MDH1B: variants seen among roughly 807,000 people sequenced by gnomAD.
MDH1B encodes the protein putative malate dehydrogenase 1B.
In MDH1B, 60 loss-of-function variants were observed where a neutral mutation model predicts 61.4. That is an observed-to-expected ratio of 0.98 (90% CI 0.79 to 1.21). The LOEUF (loss-of-function observed/expected upper bound fraction) is 1.21, where lower values mean the gene tolerates loss of function less well. MDH1B is among the 50% of genes most tolerant of loss of function. MDH1B has a pLI of 0.00. For missense variants in MDH1B, 587 were observed against 632.1 expected (o/e 0.93, Z 0.76); for synonymous variants, 236 against 218.7 (o/e 1.08, Z -0.70).
At chr2:206,750,561 C>G (rs751145771) in intron 6 of MDH1B, among the ~76,000 whole-genome samples, 2 of 151,848 alleles carry the variant, frequency 1.3e-5, no homozygotes, top group Non-Finnish European at 1.5e-5. Flanking sequence ...AATGCCCAGC[C>G]TGGCCTGTGC....
chr2:206,743,935 C>A (rs1261817707), intron 9 of MDH1B, among the ~76,000 whole-genome samples: 1 of 152,144 alleles, frequency 6.6e-6, no homozygotes, highest in Non-Finnish European at 1.5e-5. Context: ...TGGCTGTATG[C>A]ACTCCCCCTC....
At chr2:206,750,903 T>C (rs112599950) in intron 6 of MDH1B, 31 bp downstream of exon 6, 1 of 1,516,710 alleles carries the variant, frequency 6.6e-7, no homozygotes, top group Non-Finnish European at 8.9e-7. Context: ...TTTAACATTG[T>C]CAGTATGCTT....
intron 9 of MDH1B, among the ~76,000 whole-genome samples, chr2:206,744,922 C>CTAAATAAA (rs201554464): frequency 4.7e-5 from 7 of 150,458 alleles, no homozygotes; most frequent in African/African-American, 7.3e-5. Context: ...AAGACTCTGT[C>CTAAATAAA]TAAATAAATA....
At position 206,765,230 on chromosome 2, in the gene MDH1B, C is replaced by A. The variant is rs938161786; in HGVS notation, c.22+20G>T. ...GTCGGCGTTTTGAGCAATCTGCGGG[C>A]GGACGCGGGGATCACTCACCCGCGA... On this transcript the variant is annotated intron_variant, in intron 1 of 11. Transcript: ENST00000374412. 1.3e-6 allele frequency: 2 copies of A among 1,599,804 alleles called. No individual in the cohort carries two copies. The highest frequency in any genetic ancestry group is 1.4e-5 in the African/African-American group (1 of 73,866).
rs539797562 is a variant in MDH1B at position 206,745,133 on chromosome 2, G to A, written c.1408+489C>T. ...ACTTAGAAACACAGACACACACAGA[G>A]GAAAGATGGACATGTGAAGAGGGAA... On this transcript the variant is annotated intron_variant, in intron 9 of 11. Coordinates refer to ENST00000374412, the MANE Select transcript of MDH1B (RefSeq NM_001039845.3). 3.1e-4 allele frequency among the ~76,000 whole-genome samples: 47 copies of A among 152,088 alleles called. No individual in the cohort carries two copies. The South Asian group carries it at 5.2e-3, about 17-fold the overall frequency.
Position 206,755,168 on chromosome 2 carries a change from C to T in MDH1B, c.751G>A (p.Val251Ile). 6.2e-7 allele frequency: 1 copy of T among 1,614,218 alleles called. No homozygotes were observed. Among genetic ancestry groups the T allele is most frequent in the Non-Finnish European group, 8.5e-7 (1 of 1,180,040 alleles). Reference sequence around the variant, plus strand: ...GTTCTCCCTCCCACGATGACTCTGACAGACTCATGAGCATTTTTCTCTATC... The same window carrying T: ...GTTCTCCCTCCCACGATGACTCTGATAGACTCATGAGCATTTTTCTCTATC... The part of the protein sequence containing the change: ...YLIEKNAHES[V>I]RVIVGGRTFV... The change falls in exon 5 of 12, where the codon GTC (valine) becomes ATC (isoleucine). Residue 251 changes from valine to isoleucine, a missense_variant. Val to Ile is a conservative substitution (Grantham distance 29). Coordinates refer to ENST00000374412, the MANE Select transcript of MDH1B (RefSeq NM_001039845.3).
chr2:206,742,711 A>ATTTTTTTTTTTTTT (rs59584383), intron 9 of MDH1B, among the ~76,000 whole-genome samples: 1 of 97,214 alleles, frequency 1.0e-5, no homozygotes, highest in Non-Finnish European at 2.0e-5. Context: ...TGATGTCTCT[A>ATTTTTTTTTTTTTT]TTTTTTTTTT....
intron 5 of MDH1B, among the ~76,000 whole-genome samples, chr2:206,753,157 T>C (rs1040187484): frequency 3.3e-5 from 5 of 152,228 alleles, no homozygotes; most frequent in South Asian, 2.1e-4. Flanking sequence ...AGCAGAGGGA[T>C]AGGCCAGCAG....
Position 206,749,220 on chromosome 2 carries a change from G to A in MDH1B, c.1053-37C>T, listed in dbSNP as rs760274155. ...GAAAGAAACAATTTTACAATGGAGA[G>A]AGGAATTAAAGAGAAAAAGGATGTT... On this transcript the variant is annotated intron_variant, in intron 6 of 11. Transcript: ENST00000374412. 1.9e-6 allele frequency: 3 copies of A among 1,593,652 alleles called. No homozygotes were observed. The East Asian group carries it at 6.7e-5, about 36-fold the overall frequency.
intron 4 of MDH1B, 47 bp from the exon 5 acceptor site, chr2:206,755,552 C>A: frequency 6.5e-7 from 1 of 1,546,630 alleles, no homozygotes; most frequent in South Asian, 1.3e-5. Context: ...ATCCTTTGTC[C>A]CTTTTAAGCC....
At chr2:206,748,499 G>A (rs922537180) in intron 7 of MDH1B, among the ~76,000 whole-genome samples, 1 of 152,192 alleles carries the variant, frequency 6.6e-6, no homozygotes, top group African/African-American at 2.4e-5. Context: ...CATTCCCAGC[G>A]CTGCCTGGTA....
rs1688710148 is a variant in MDH1B at position 206,755,474 on chromosome 2, GA to G, written c.444del (p.Ile150TyrfsTer2). ...SASAPACYNL[I>X]PILTSGEVFG... ...AACACTTCGCCACTCGTCAATATGG[GA>G]ATTAGGTTGTAGCAGGCAGGAGCAG... On this transcript the variant is annotated frameshift_variant, in exon 5 of 12. Coordinates refer to ENST00000374412, the MANE Select transcript of MDH1B (RefSeq NM_001039845.3). LOFTEE classifies it high-confidence loss of function. 6.2e-7 allele frequency: 1 copy of G among 1,613,696 alleles called. No homozygotes were observed. The highest frequency in any genetic ancestry group is 1.3e-5 in the African/African-American group (1 of 74,910).
intron 4 of MDH1B, among the ~76,000 whole-genome samples, chr2:206,755,750 G>T (rs1688723517): frequency 6.6e-6 from 1 of 151,914 alleles, no homozygotes; most frequent in Non-Finnish European, 1.5e-5. Context: ...TGTTTATTAG[G>T]TTTTTCAAAG....
At chr2:206,753,843 T>C (rs1688590502) in intron 5 of MDH1B, among the ~76,000 whole-genome samples, 1 of 152,174 alleles carries the variant, frequency 6.6e-6, no homozygotes, top group Non-Finnish European at 1.5e-5. Context: ...AGACAGCAGC[T>C]TTCTGGCTGA....
At chr2:206,744,344 C>G (rs184757451) in intron 9 of MDH1B, among the ~76,000 whole-genome samples, 1 of 152,244 alleles carries the variant, frequency 6.6e-6, no homozygotes, top group Non-Finnish European at 1.5e-5. Context: ...CTAGCACTGG[C>G]TTATAGTTGG....
intron 7 of MDH1B, among the ~76,000 whole-genome samples, chr2:206,747,889 T>C (rs4488641): frequency 0.12 from 18,719 of 152,160 alleles, 1,680 homozygotes; most frequent in African/African-American, 0.26. Context: ...CAGTCTGGTA[T>C]ATGTTGGATG....
At chr2:206,751,985 T>C (rs6752639) in intron 5 of MDH1B, among the ~76,000 whole-genome samples, 19,112 of 152,224 alleles carry the variant, frequency 0.13, 1,785 homozygotes, top group African/African-American at 0.27. Flanking sequence ...ACTAACAGAA[T>C]ATCCTACTGA....
chr2:206,742,506 T>C (rs1303383135), intron 9 of MDH1B, among the ~76,000 whole-genome samples: 4 of 152,150 alleles, frequency 2.6e-5, no homozygotes, highest in African/African-American at 4.8e-5. Context: ...AGATAAACCC[T>C]GTGCTGCCTG....
At chr2:206,758,189 A>C (rs1688871262) in intron 2 of MDH1B, among the ~76,000 whole-genome samples, 1 of 152,124 alleles carries the variant, frequency 6.6e-6, no homozygotes. Context: ...ACCCCAAAAA[A>C]CCTTCTGCAC....
Sources: allele counts gnomAD v4.1 joint callset (sites outside exome capture counted in the v4.1 genomes callset), GRCh38; gene constraint gnomAD v4.1.1; transcripts MANE v1.5; gene names NCBI Gene and HGNC (gene_info 2026-07-23, HGNC 2026-07-21).